The following CNTNAP2 variants were observed in gnomAD, a reference collection of about 807,000 sequenced individuals.
CNTNAP2 encodes contactin associated protein 2, also known as contactin-associated protein-like 2.
Under a neutral mutation model 155.2 loss-of-function variants are expected in CNTNAP2, and 98 were observed. The observed-to-expected ratio is 0.63, with a 90% CI of 0.54 to 0.75. CNTNAP2 has a LOEUF of 0.75. Ranked by LOEUF, CNTNAP2 falls within the 30% of genes least tolerant of loss-of-function variation. The pLI, the probability that CNTNAP2 is intolerant of heterozygous loss-of-function variation, is 0.00. For synonymous variants in CNTNAP2, 651 were observed against 631.2 expected (o/e 1.03, Z -0.47); for missense variants, 1,727 against 1,688.1 (o/e 1.02, Z -0.40).
chr7:147,752,378 C>T (rs1797149177), intron 13 of CNTNAP2, among the ~76,000 whole-genome samples: 1 of 152,014 alleles, frequency 6.6e-6, no homozygotes, highest in Admixed American at 6.6e-5. Context: ...AGATAAAGCA[C>T]TCCCATTAGA....
At chr7:147,082,851 C>G (rs1245040263) in intron 4 of CNTNAP2, 2 of 152,098 alleles carry the variant, frequency 1.3e-5, no homozygotes, top group Non-Finnish European at 2.9e-5. Flanking sequence ...CATTTGGGAG[C>G]CATTCCGGCA....
chr7:148,318,539 C>T (rs1024680771), intron 21 of CNTNAP2, among the ~76,000 whole-genome samples: 4 of 152,150 alleles, frequency 2.6e-5, no homozygotes, highest in African/African-American at 7.2e-5. Flanking sequence ...CAAAAACTTC[C>T]TAAACTGGTT....
intron 8 of CNTNAP2, among the ~76,000 whole-genome samples, chr7:147,290,963 A>G (rs578124404): frequency 6.6e-6 from 1 of 152,280 alleles, no homozygotes; most frequent in South Asian, 2.1e-4. Flanking sequence ...ACATGCGCAG[A>G]TCTTAAAAGT....
At chr7:147,920,513 G>C (rs1800256069) in intron 14 of CNTNAP2, among the ~76,000 whole-genome samples, 1 of 152,138 alleles carries the variant, frequency 6.6e-6, no homozygotes, top group African/African-American at 2.4e-5. Flanking sequence ...TACCAGTGAA[G>C]GACTGGTTGT....
chr7:147,622,979 A>G (rs1450130970), intron 12 of CNTNAP2, among the ~76,000 whole-genome samples: 1 of 152,122 alleles, frequency 6.6e-6, no homozygotes, highest in Non-Finnish European at 1.5e-5. Flanking sequence ...GGTGGCTACA[A>G]TGAGCAACTA....
intron 1 of CNTNAP2, among the ~76,000 whole-genome samples, chr7:146,666,861 G>GT (rs764265068): frequency 6.6e-6 from 1 of 152,060 alleles, no homozygotes; most frequent in Non-Finnish European, 1.5e-5. Flanking sequence ...AGATGTTTGA[G>GT]TTTTTTGTGT....
At chr7:146,417,341 G>A (rs1340324622) in intron 1 of CNTNAP2, among the ~76,000 whole-genome samples, 2 of 152,156 alleles carry the variant, frequency 1.3e-5, no homozygotes, top group African/African-American at 2.4e-5. Flanking sequence ...TAGAGAATGA[G>A]ATGTAGCAGC....
intron 3 of CNTNAP2, among the ~76,000 whole-genome samples, chr7:146,845,170 A>G (rs1803817642): frequency 6.6e-6 from 1 of 152,134 alleles, no homozygotes; most frequent in African/African-American, 2.4e-5. Context: ...AAACATTTGG[A>G]TTTTCTGAAT....
In CNTNAP2 at chr7:148,147,535, G is replaced by A. The variant is rs565362022; in HGVS notation, c.2599G>A (p.Val867Ile). ...TTCATTTGATGTGGGAAATGGGCCAGTAGAGATTGTAGTGAGGTCACCAAC... is the reference window on the plus strand; with the variant it reads ...TTCATTTGATGTGGGAAATGGGCCAATAGAGATTGTAGTGAGGTCACCAAC... ...SFSFDVGNGP[V>I]EIVVRSPTPL... The change falls in exon 17 of 24, where the codon GTA becomes ATA. Residue 867 changes from valine (V) to isoleucine (I), a missense_variant. Coordinates refer to ENST00000361727, the MANE Select transcript of CNTNAP2 (RefSeq NM_014141.6). 3.7e-6 allele frequency: 6 copies of A among 1,614,104 alleles called. No homozygotes were observed. In the South Asian group the frequency reaches 4.4e-5, roughly 12 times the overall value.
At chr7:147,317,328 T>C (rs1420963686) in intron 9 of CNTNAP2, among the ~76,000 whole-genome samples, 1 of 152,248 alleles carries the variant, frequency 6.6e-6, no homozygotes, top group Non-Finnish European at 1.5e-5. Flanking sequence ...CCTGTTTCTC[T>C]TGTGATTGCA....
chr7:148,078,588 C>T (rs1803540391), intron 15 of CNTNAP2, among the ~76,000 whole-genome samples: 1 of 152,158 alleles, frequency 6.6e-6, no homozygotes, highest in Admixed American at 6.6e-5. Flanking sequence ...TCAAACGATT[C>T]TCCTGCCTCA....
intron 3 of CNTNAP2, among the ~76,000 whole-genome samples, chr7:146,876,608 T>G (rs1160845262): frequency 1.3e-5 from 2 of 152,192 alleles, no homozygotes; most frequent in Non-Finnish European, 2.9e-5. Context: ...AACCATTTAT[T>G]AAACCCTTAC....
intron 1 of CNTNAP2, among the ~76,000 whole-genome samples, chr7:146,256,083 T>C (rs1431918956): frequency 1.3e-5 from 2 of 152,182 alleles, no homozygotes; most frequent in Non-Finnish European, 2.9e-5. Flanking sequence ...AAATATCCTA[T>C]AGGGAAGGAA....
intron 13 of CNTNAP2, among the ~76,000 whole-genome samples, chr7:147,702,762 A>T (rs1383635307): frequency 1.3e-5 from 2 of 152,236 alleles, no homozygotes; most frequent in Non-Finnish European, 2.9e-5. Context: ...TGGCCTGTGT[A>T]GCCACAGAGG....
intron 8 of CNTNAP2, among the ~76,000 whole-genome samples, chr7:147,197,832 G>A (rs1802836750): frequency 6.6e-6 from 1 of 152,094 alleles, no homozygotes; most frequent in Non-Finnish European, 1.5e-5. Flanking sequence ...AAGATGTTGA[G>A]GTAATTCAGT....
chr7:148,101,509 C>T (rs1429933114), intron 15 of CNTNAP2, among the ~76,000 whole-genome samples: 2 of 152,108 alleles, frequency 1.3e-5, no homozygotes. Context: ...TCCCCTGCAT[C>T]TGTAGGTAAA....
In CNTNAP2 at chr7:147,300,205, T is replaced by A. The variant is rs376233595; in HGVS notation, c.1413T>A (p.Ile471=). The stretch of plus-strand genomic sequence containing the variant: ...TCCTAGCCAAGGAAAATTTTGCTAT[T>A]CTCACCATCGATGGAGATGAAGCAT... ...VRFLAKENFA[I]LTIDGDEASA... Residue 471 remains isoleucine, a synonymous_variant, in exon 9 of 24, where the codon ATT becomes ATA. Coordinates refer to ENST00000361727, the MANE Select transcript of CNTNAP2 (RefSeq NM_014141.6). 4 of 1,613,932 alleles carry A rather than the reference T, an allele frequency of 2.5e-6. No individual in the cohort carries two copies. The African/African-American group carries it at 5.3e-5, about 22-fold the overall frequency.
intron 3 of CNTNAP2, among the ~76,000 whole-genome samples, chr7:146,927,830 T>G (rs764026587): frequency 1.4e-4 from 22 of 151,900 alleles, no homozygotes; most frequent in Admixed American, 2.6e-4. Context: ...TTCAGAGAAT[T>G]TCACAGGTGT....
intron 1 of CNTNAP2, among the ~76,000 whole-genome samples, chr7:146,364,095 A>G (rs1042275659): frequency 1.3e-5 from 2 of 152,220 alleles, no homozygotes; most frequent in Admixed American, 6.5e-5. Flanking sequence ...ACCACACTCT[A>G]TGCTAAATGT....
Sources: allele counts gnomAD v4.1 joint callset (sites outside exome capture counted in the v4.1 genomes callset), GRCh38; gene constraint gnomAD v4.1.1; transcripts MANE v1.5; gene names NCBI Gene and HGNC (gene_info 2026-07-23, HGNC 2026-07-21).